HNRNPK: variants seen among roughly 807,000 people sequenced by gnomAD.
HNRNPK encodes the protein dC-stretch binding protein.
In HNRNPK, 7 loss-of-function variants were observed where a neutral mutation model predicts 67.0. The ratio of observed to expected loss-of-function variants is 0.10; its 90% confidence interval spans 0.06 to 0.20. The LOEUF is 0.20. Among genes scored for constraint, HNRNPK ranks in the 10% least tolerant of loss-of-function variants. HNRNPK has a pLI of 1.00. For synonymous variants in HNRNPK, 213 were observed against 193.7 expected (o/e 1.10, Z -0.83); for missense variants, 264 against 606.5 (o/e 0.44, Z 5.93).
intron 9 of HNRNPK, 40 bp from the exon 10 acceptor site, chr9:83,973,012 G>A (rs1392340386): frequency 6.9e-7 from 1 of 1,447,240 alleles, no homozygotes; most frequent in Non-Finnish European, 9.4e-7. Context: ...ATAATTAGAA[G>A]AAAATTAGCT....
At chr9:83,973,254 C>G (rs780677689) in intron 9 of HNRNPK, 32 bp downstream of exon 9, 4 of 1,250,632 alleles carry the variant, frequency 3.2e-6, no homozygotes, top group Non-Finnish European at 4.7e-6. Flanking sequence ...TACTTTCCAG[C>G]AAAGAATACG....
chr9:83,970,836 G>T lies in HNRNPK; in HGVS notation c.1109-17C>A. Reference sequence around the variant, plus strand: ...AGGAATAATCTGATTTAAATAATGAGCAGTAAGTTCATTTAAAAAGTATGA... The same window carrying T: ...AGGAATAATCTGATTTAAATAATGATCAGTAAGTTCATTTAAAAAGTATGA... On this transcript the variant is annotated splice_polypyrimidine_tract_variant and intron_variant, in intron 14 of 16. Transcript: ENST00000376263. The T allele has an allele frequency of 6.2e-7, 1 of 1,603,432 alleles. No homozygotes were observed. Among genetic ancestry groups the T allele is most frequent in the Non-Finnish European group, 8.5e-7 (1 of 1,170,442 alleles).
chr9:83,969,284 T>G lies in HNRNPK; in HGVS notation c.*123A>C. ...AGAACACCTATGAAGCAGAGGAATG[T>G]TGGCTTTTTAAACAGAAGCAGATAA... On this transcript the variant is annotated 3_prime_UTR_variant, in exon 17 of 17. Coordinates refer to ENST00000376263, the MANE Select transcript of HNRNPK (RefSeq NM_031263.4). 1.3e-6 allele frequency: 1 copy of G among 751,504 alleles called. No individual in the cohort carries two copies. The highest frequency in any genetic ancestry group is 1.5e-5 in the South Asian group (1 of 67,718). 46.6% of individuals were successfully genotyped at this position (751,504 alleles called of 1,614,324 possible). A position where few individuals can be genotyped will look rare whatever the true frequency, so the allele number is the denominator to read the frequency against.
At position 83,971,962 on chromosome 9, in the gene HNRNPK, G is replaced by A. The variant is rs765773838; in HGVS notation, c.873C>T (p.Pro291=). 2 of 1,604,780 alleles carry A rather than the reference G, an allele frequency of 1.2e-6. No homozygotes were observed. The highest frequency in any genetic ancestry group is 1.7e-5 in the Admixed American group (1 of 59,582). ...DDMSPRRGPP[P]PPPGRGGRGG... ...CCCGGCCGCCTCGTCCGGGAGGAGG[G>A]GGAGGTGGTCCTCGACGAGGGCTCA... The change falls in exon 11 of 17, where the codon CCC becomes CCT. Residue 291 remains proline, a synonymous_variant. Transcript: ENST00000376263.
At position 83,977,725 on chromosome 9, in the gene HNRNPK, A is replaced by G; in HGVS notation, c.120T>C (p.Asp40=). The G allele has an allele frequency of 1.2e-6, 2 of 1,607,718 alleles. No homozygotes were observed. Among genetic ancestry groups the G allele is most frequent in the Non-Finnish European group, 1.7e-6 (2 of 1,175,288 alleles). Residue 40 remains aspartate, a synonymous_variant, in exon 4 of 17, where the codon GAT becomes GAC. Transcript: ENST00000376263. The stretch of plus-strand genomic sequence containing the variant: ...GCAGAATGCGTAATTCAACCATCTC[A>G]TCAGTGTTTCTAGATCTTTTAAATG... ...EQAFKRSRNT[D]EMVELRILLQ...
At position 83,970,810 on chromosome 9, in the gene HNRNPK, T is replaced by C. The variant is rs764223631; in HGVS notation, c.1118A>G (p.Tyr373Cys). Residue 373 changes from tyrosine to cysteine, a missense_variant, in exon 15 of 17, where the codon TAT becomes TGT. Tyr to Cys is a radical substitution (Grantham distance 194). This residue lies in a region of HNRNPK where 142 missense variants were observed against 256.5 expected (regional missense o/e 0.55). Coordinates refer to ENST00000376263, the MANE Select transcript of HNRNPK (RefSeq NM_031263.4). ...ACCATATGAGCCACGACCCCCTGCATAGGAATAATCTGATTTAAATAATGA... is the reference window on the plus strand; with the variant it reads ...ACCATATGAGCCACGACCCCCTGCACAGGAATAATCTGATTTAAATAATGA... ...PQGGSGYDYS[Y>C]AGGRGSYGDL... 7 of 1,610,956 alleles carry C rather than the reference T, an allele frequency of 4.3e-6. No individual in the cohort carries two copies. The highest frequency in any genetic ancestry group is 1.1e-5 in the South Asian group (1 of 90,950).
At chr9:83,971,604 C>G in intron 12 of HNRNPK, 68 bp downstream of exon 12, 1 of 1,321,974 alleles carries the variant, frequency 7.6e-7, no homozygotes, top group Non-Finnish European at 1.1e-6. Context: ...TAACCTTCAA[C>G]AAAACGTGAA....
At position 83,968,941 on chromosome 9, in the gene HNRNPK, A is replaced by C. The variant is rs919515054; in HGVS notation, c.*466T>G. 1.8e-5 allele frequency: 3 copies of C among 164,268 alleles called. No individual in the cohort carries two copies. Among genetic ancestry groups the C allele is most frequent in the Non-Finnish European group, 2.6e-5 (2 of 76,146 alleles). The allele number at this position is 164,268 out of a possible 1,614,324, so 10.2% of individuals were successfully genotyped here. The stretch of plus-strand genomic sequence containing the variant: ...ACTAAATTTATTTTAAAAATCATAA[A>C]ACGTTTCTTACAAAAGAGCATTACA... On this transcript the variant is annotated 3_prime_UTR_variant, in exon 17 of 17. Coordinates refer to ENST00000376263, the MANE Select transcript of HNRNPK (RefSeq NM_031263.4).
intron 10 of HNRNPK, 89 bp from the exon 11 acceptor site, chr9:83,972,278 G>T (rs933542517): frequency 3.1e-5 from 30 of 975,126 alleles, no homozygotes; most frequent in Non-Finnish European, 3.5e-5. Flanking sequence ...CAAACAAAAT[G>T]TAAGTCATTC....
Position 83,971,699 on chromosome 9 carries a change from C to T in HNRNPK, c.981G>A (p.Gly327=). 1 of 1,614,026 alleles carries T rather than the reference C, an allele frequency of 6.2e-7. No individual in the cohort carries two copies. The highest frequency in any genetic ancestry group is 8.5e-7 in the Non-Finnish European group (1 of 1,179,874). ...GGDLMAYDRR[G]RPGDRYDGMV... ...TGCCGTCGTAACGGTCTCCAGGTCT[C>T]CCTCTTCTGTCATAGGCCATGAGGT... The change falls in exon 12 of 17, where the codon GGG becomes GGA. Residue 327 remains glycine (G), a synonymous_variant. Coordinates refer to ENST00000376263, the MANE Select transcript of HNRNPK (RefSeq NM_031263.4).
intron 12 of HNRNPK, 21 bp downstream of exon 12, chr9:83,971,651 G>C (rs776429989): frequency 3.1e-6 from 5 of 1,598,526 alleles, no homozygotes; most frequent in Non-Finnish European, 4.3e-6. Context: ...CAACACACTG[G>C]TAATAAACCA....
chr9:83,973,072 C>A, intron 9 of HNRNPK, 100 bp from the exon 10 acceptor site: 1 of 891,168 alleles, frequency 1.1e-6, no homozygotes, highest in Non-Finnish European at 1.7e-6. Context: ...TAACCCCCCA[C>A]AATATAAAAA....
intron 6 of HNRNPK, among the ~76,000 whole-genome samples, chr9:83,975,140 T>C (rs1317635919): frequency 6.6e-6 from 1 of 152,224 alleles, no homozygotes; most frequent in Non-Finnish European, 1.5e-5. Context: ...GAAAAAATTA[T>C]GAACAGGCAA....
intron 15 of HNRNPK, 81 bp downstream of exon 15, chr9:83,970,656 C>G: frequency 1.0e-6 from 1 of 994,026 alleles, no homozygotes; most frequent in Non-Finnish European, 1.5e-6. Flanking sequence ...TTGTTAAAAC[C>G]TTCTGAATTA....
At chr9:83,970,565 G>C (rs1956781974) in intron 15 of HNRNPK, 172 bp downstream of exon 15, 1 of 650,816 alleles carries the variant, frequency 1.5e-6, no homozygotes, top group African/African-American at 1.8e-5. Flanking sequence ...TAATAGCACT[G>C]ATCACTTGAC....
At chr9:83,974,759 T>C (rs2133046849) in intron 6 of HNRNPK, 170 bp from the exon 7 acceptor site, 3 of 588,456 alleles carry the variant, frequency 5.1e-6, no homozygotes, top group South Asian at 2.1e-5. Flanking sequence ...TTTTGTTTTA[T>C]ACCCAATACA....
chr9:83,980,583 G>A (rs296888), upstream of HNRNPK: 45,399 of 152,832 alleles, frequency 0.3, 7,073 homozygotes, highest in African/African-American at 0.39. Context: ...GGCGTCTGCA[G>A]TGCTGTCGCC....
At chr9:83,975,427 A>G (rs762550222) in intron 6 of HNRNPK, 35 bp downstream of exon 6, 4 of 1,591,856 alleles carry the variant, frequency 2.5e-6, no homozygotes, top group East Asian at 2.2e-5. Flanking sequence ...CTCTCTTTCT[A>G]ATCAGGCAGT....
rs902019029 is a variant in HNRNPK at position 83,973,385 on chromosome 9, T to C, written c.417A>G (p.Lys139=). Residue 139 remains lysine (K), a synonymous_variant, in exon 9 of 17, where the codon AAA becomes AAG. Transcript: ENST00000376263. ...AVECLNYQHY[K]GSDFDCELRL... ...TCAACTCGCAGTCAAAGTCACTTCC[T>C]TTATAGTGTTGGTACTGTGGAGGGA... 3.8e-6 allele frequency: 6 copies of C among 1,595,812 alleles called. No homozygotes were observed. Among genetic ancestry groups the C allele is most frequent in the Non-Finnish European group, 5.2e-6 (6 of 1,163,370 alleles).
Sources: gnomAD v4.1 joint callset for allele counts (sites outside exome capture counted in the v4.1 genomes callset) on GRCh38, gnomAD v4.1.1 for gene constraint, gnomAD v4.1.1 regional missense constraint, MANE v1.5 for transcripts, NCBI Gene and HGNC (gene_info 2026-07-23, HGNC 2026-07-21) for gene names.